The following CDH9 variants were observed in gnomAD, a reference collection of about 807,000 sequenced individuals.
The protein encoded by CDH9 is cadherin-9.
A neutral mutation model predicts 70.9 loss-of-function variants in CDH9; 28 were observed. The ratio of observed to expected loss-of-function variants is 0.40; its 90% CI spans 0.29 to 0.54. The LOEUF is 0.54. Ranked by LOEUF, CDH9 falls within the 20% of genes least tolerant of loss-of-function variation. The pLI, the probability that CDH9 is intolerant of heterozygous loss-of-function variation, is 0.59. For synonymous variants in CDH9, 409 were observed against 343.1 expected (o/e 1.19, Z -2.12); for missense variants, 874 against 984.4 (o/e 0.89, Z 1.50).
At chr5:26,977,473 G>A (rs918233159) in intron 2 of CDH9, among the ~76,000 whole-genome samples, 5 of 66,864 alleles carry the variant, frequency 7.5e-5, no homozygotes, top group South Asian at 3.3e-4. Flanking sequence ...ATATGTGTGC[G>A]TGTGTGTGTG....
chr5:26,904,006 C>G (rs1579673857), intron 5 of CDH9, among the ~76,000 whole-genome samples, 182 bp from the exon 6 acceptor site: 1 of 151,782 alleles, frequency 6.6e-6, no homozygotes, highest in East Asian at 1.9e-4. Flanking sequence ...ACAGAACACT[C>G]TCATTTAGTA....
Position 26,902,507 on chromosome 5 carries a change from A to G in CDH9, c.1222T>C (p.Tyr408His). ...AAATTGTTCCTGGCATCTGGATCGT[A>G]TGCTGTAACCTGTCCAATGATACTG... The part of the protein sequence containing the change: ...EGSIIGQVTA[Y>H]DPDARNNLIK... The change falls in exon 7 of 12, where the codon TAC becomes CAC. Residue 408 changes from tyrosine to histidine, a missense_variant. Transcript: ENST00000231021. The G allele has an allele frequency of 6.2e-7, 1 of 1,605,794 alleles. No individual in the cohort carries two copies. Among genetic ancestry groups the G allele is most frequent in the Non-Finnish European group, 8.5e-7 (1 of 1,172,928 alleles).
intron 2 of CDH9, among the ~76,000 whole-genome samples, chr5:26,918,748 T>A (rs1741192222): frequency 6.6e-6 from 1 of 152,178 alleles, no homozygotes; most frequent in African/African-American, 2.4e-5. Flanking sequence ...TCTCCTGCCT[T>A]TGGACTCAGA....
intron 3 of CDH9, among the ~76,000 whole-genome samples, chr5:26,909,185 C>T (rs1561191639): frequency 6.6e-6 from 1 of 152,142 alleles, no homozygotes; most frequent in East Asian, 1.9e-4. Context: ...CGGGGTTTCC[C>T]ATGTTAGCCA....
In CDH9 at chr5:26,891,015, C is replaced by T. The variant is rs113758465; in HGVS notation, c.1254-451G>A. 7.6e-3 allele frequency among the ~76,000 whole-genome samples: 1,158 copies of T among 152,244 alleles called. 16 individuals are homozygous for T. Among genetic ancestry groups the T allele is most frequent in the African/African-American group, 0.026 (1,098 of 41,548 alleles). ...TCGAGAAGGCTATTATAAAATACATCGCTCTTGAATGTTTTTTTATTCAAG... is the reference window on the plus strand; with the variant it reads ...TCGAGAAGGCTATTATAAAATACATTGCTCTTGAATGTTTTTTTATTCAAG... On this transcript the variant is annotated intron_variant, in intron 7 of 11. Coordinates refer to ENST00000231021, the MANE Select transcript of CDH9 (RefSeq NM_016279.4).
chr5:26,881,917 T>A (rs1740474616), intron 11 of CDH9, among the ~76,000 whole-genome samples: 1 of 152,054 alleles, frequency 6.6e-6, no homozygotes, highest in Non-Finnish European at 1.5e-5. Context: ...GCCTGACACC[T>A]CAGCAGTCTT....
At chr5:26,958,490 C>A (rs2112057104) in intron 2 of CDH9, among the ~76,000 whole-genome samples, 1 of 152,152 alleles carries the variant, frequency 6.6e-6, no homozygotes, top group South Asian at 2.1e-4. Context: ...TTAAGGCACA[C>A]AAAGCTGAAG....
At chr5:27,014,222 A>C (rs1743007737) in intron 1 of CDH9, among the ~76,000 whole-genome samples, 1 of 151,952 alleles carries the variant, frequency 6.6e-6, no homozygotes, top group African/African-American at 2.4e-5. Context: ...CCACTTCCTG[A>C]CAGTACCCAA....
chr5:26,966,788 C>T (rs1463725008), intron 2 of CDH9, among the ~76,000 whole-genome samples: 2 of 152,120 alleles, frequency 1.3e-5, no homozygotes, highest in Non-Finnish European at 1.5e-5. Flanking sequence ...ACTTCTTATG[C>T]TCTTTTAGGA....
intron 1 of CDH9, among the ~76,000 whole-genome samples, chr5:27,029,726 G>A (rs1561046408): frequency 6.6e-6 from 1 of 151,934 alleles, no homozygotes; most frequent in Non-Finnish European, 1.5e-5. Context: ...CTGATTACGA[G>A]TCTAAATGAG....
At chr5:27,022,957 T>C (rs1743164586) in intron 1 of CDH9, among the ~76,000 whole-genome samples, 1 of 152,054 alleles carries the variant, frequency 6.6e-6, no homozygotes, top group Non-Finnish European at 1.5e-5. Flanking sequence ...TTATTTTCCT[T>C]ATAGGATGGA....
chr5:26,954,644 A>G (rs555934368), intron 2 of CDH9, among the ~76,000 whole-genome samples: 2 of 151,984 alleles, frequency 1.3e-5, no homozygotes, highest in African/African-American at 2.4e-5. Flanking sequence ...TCGGCCTCCT[A>G]AAGTGCAGGG....
At chr5:27,034,631 G>A (rs1384979704) in intron 1 of CDH9, among the ~76,000 whole-genome samples, 1 of 151,138 alleles carries the variant, frequency 6.6e-6, no homozygotes, top group East Asian at 1.9e-4. Context: ...ACCCCATGAT[G>A]TTTCCACTTT....
Position 26,943,773 on chromosome 5 carries a change from A to G in CDH9, c.229-27849T>C, listed in dbSNP as rs143454712. ...GATACACAAGCATACTTTCTAAAAC[A>G]TATGCCTCCAAGAGACAATTAAATC... On this transcript the variant is annotated intron_variant, in intron 2 of 11. Coordinates refer to ENST00000231021, the MANE Select transcript of CDH9 (RefSeq NM_016279.4). Among the ~76,000 whole-genome samples the G allele has an allele frequency of 9.8e-4, 149 of 152,300 alleles. 1 individual carries two copies. In the East Asian group the frequency reaches 0.022, roughly 23 times the overall value.
At chr5:26,897,936 C>A (rs1740782580) in intron 7 of CDH9, among the ~76,000 whole-genome samples, 1 of 152,128 alleles carries the variant, frequency 6.6e-6, no homozygotes, top group Admixed American at 6.5e-5. Context: ...ATCGTCTCAG[C>A]CCCAAATCTC....
intron 2 of CDH9, among the ~76,000 whole-genome samples, chr5:26,924,426 G>A (rs1741300135): frequency 6.6e-6 from 1 of 150,906 alleles, no homozygotes; most frequent in Non-Finnish European, 1.5e-5. Flanking sequence ...ACAAAGAAAA[G>A]CCCAAGATCA....
chr5:26,983,714 C>T (rs1742441075), intron 2 of CDH9, among the ~76,000 whole-genome samples: 1 of 130,336 alleles, frequency 7.7e-6, no homozygotes, highest in Admixed American at 7.2e-5. Flanking sequence ...ACTTTCAAAC[C>T]TTTATAAACA....
chr5:26,999,955 A>C (rs1157315727), intron 1 of CDH9, among the ~76,000 whole-genome samples: 1 of 152,148 alleles, frequency 6.6e-6, no homozygotes, highest in African/African-American at 2.4e-5. Context: ...AAAAACTCAA[A>C]ATGCCAAAAG....
In CDH9 at chr5:26,881,564, A is replaced by T. The variant is rs752744513; in HGVS notation, c.1942T>A (p.Ser648Thr). ...RQRKKEPLII[S>T]KDDVRDNIVT... ...ATGTTGTCCCGGACATCGTCTTTTGAAATTATCAGAGGTTCCTTTTTTCTT... is the reference window on the plus strand; with the variant it reads ...ATGTTGTCCCGGACATCGTCTTTTGTAATTATCAGAGGTTCCTTTTTTCTT... Residue 648 changes from serine (S) to threonine (T), a missense_variant, in exon 12 of 12, where the codon TCA becomes ACA. Physicochemically the swap from Ser to Thr is moderately conservative, Grantham distance 58 (BLOSUM62 1). Coordinates refer to ENST00000231021, the MANE Select transcript of CDH9 (RefSeq NM_016279.4). The T allele has an allele frequency of 1.1e-5, 18 of 1,613,270 alleles. No individual in the cohort carries two copies. Among genetic ancestry groups the T allele is most frequent in the Non-Finnish European group, 1.5e-5 (18 of 1,179,646 alleles).
Sources: gnomAD v4.1 joint callset for allele counts (sites outside exome capture counted in the v4.1 genomes callset) on GRCh38, gnomAD v4.1.1 for gene constraint, MANE v1.5 for transcripts, NCBI Gene and HGNC (gene_info 2026-07-23, HGNC 2026-07-21) for gene names.